The following NCOR1 variants were observed in gnomAD, a reference collection of about 807,000 sequenced individuals.
The protein encoded by NCOR1 is nuclear receptor corepressor 1.
Under a neutral mutation model 288.1 loss-of-function variants are expected in NCOR1, and 63 were observed. The ratio of observed to expected loss-of-function variants is 0.22; its 90% confidence interval spans 0.18 to 0.27. NCOR1 has a LOEUF of 0.27. NCOR1 is among the 10% of genes least tolerant of loss of function. The pLI, the probability that NCOR1 is intolerant of heterozygous loss-of-function variation, is 1.00. For missense variants in NCOR1, 2,397 were observed against 3,019.2 expected, an observed-to-expected ratio of 0.79 and a Z score of 4.83; for synonymous variants, 1,007 against 1,065.9, an observed-to-expected ratio of 0.94 and a Z score of 1.08.
At chr17:16,175,198 C>T (rs1460436160) in intron 3 of NCOR1, among the ~76,000 whole-genome samples, 1 of 152,086 alleles carries the variant, frequency 6.6e-6, no homozygotes, top group African/African-American at 2.4e-5. Context: ...GAAAGCCCGT[C>T]TCTACAAAAA....
At position 16,080,041 on chromosome 17, in the gene NCOR1, C is replaced by T; in HGVS notation, c.3424G>A (p.Gly1142Arg). ...GTTGGAGTTCCCCGAGTTATACTTC[C>T]TTCTTGTATGGCTCCTGCGGTACCT... ...VRGTAGAIQE[G>R]SITRGTPTSK... Residue 1142 changes from glycine (G) to arginine (R), a missense_variant, in exon 26 of 46, where the codon GGA (glycine) becomes AGA (arginine). Gly to Arg is a moderately radical substitution (Grantham distance 125, BLOSUM62 -2). Coordinates refer to ENST00000268712, the MANE Select transcript of NCOR1 (RefSeq NM_006311.4). 6.2e-7 allele frequency: 1 copy of T among 1,614,018 alleles called. No homozygotes were observed.
chr17:16,177,195 G>A (rs2084368701), intron 3 of NCOR1, among the ~76,000 whole-genome samples: 2 of 151,864 alleles, frequency 1.3e-5, no homozygotes, highest in South Asian at 2.1e-4. Context: ...TCAAATGTCT[G>A]AACTACATTT....
intron 19 of NCOR1, among the ~76,000 whole-genome samples, chr17:16,106,701 G>GC (rs2068704885): frequency 6.6e-6 from 1 of 151,424 alleles, no homozygotes; most frequent in Admixed American, 6.6e-5. Flanking sequence ...CACATGAGCT[G>GC]CATTTATGTT....
intron 4 of NCOR1, 118 bp downstream of exon 4, chr17:16,171,685 A>AT: frequency 1.1e-6 from 1 of 933,452 alleles, no homozygotes; most frequent in African/African-American, 1.7e-5. Context: ...TTACTTTCCC[A>AT]TACCACTAAC....
chr17:16,092,181 T>C, intron 21 of NCOR1, 123 bp from the exon 22 acceptor site: 1 of 1,196,434 alleles, frequency 8.4e-7, no homozygotes, highest in East Asian at 2.5e-5. Flanking sequence ...CATTTTTTAA[T>C]CAAAGTTATC....
intron 43 of NCOR1, 142 bp from the exon 44 acceptor site, chr17:16,039,796 CT>C (rs932257225): frequency 1.0e-3 from 694 of 681,752 alleles, no homozygotes; most frequent in Non-Finnish European, 1.2e-3. Context: ...ACACAGAGAC[CT>C]TTTTTTTTGG....
At chr17:16,130,252 G>C (rs1400664217) in intron 14 of NCOR1, among the ~76,000 whole-genome samples, 1 of 152,200 alleles carries the variant, frequency 6.6e-6, no homozygotes, top group Non-Finnish European at 1.5e-5. Context: ...ACATTCAAGA[G>C]AGTAAGGAAT....
chr17:16,031,843 G>A lies in NCOR1; in HGVS notation c.*453C>T, dbSNP rs1165376932. The A allele has an allele frequency of 4.3e-6, 1 of 232,962 alleles. No individual in the cohort carries two copies. Among genetic ancestry groups the A allele is most frequent in the Non-Finnish European group, 8.5e-6 (1 of 118,188 alleles). 14.4% of individuals were successfully genotyped at this position (232,962 alleles called of 1,614,324 possible). A position where few individuals can be genotyped will look rare whatever the true frequency, so the allele number is the denominator to read the frequency against. ...CTGTATGAGGTTGTTTAGAAGGCTAGGGTTAAAAAGATAGATAGACAAAAA... is the reference window on the plus strand; with the variant it reads ...CTGTATGAGGTTGTTTAGAAGGCTAAGGTTAAAAAGATAGATAGACAAAAA... On this transcript the variant is annotated 3_prime_UTR_variant, in exon 46 of 46. Coordinates refer to ENST00000268712, the MANE Select transcript of NCOR1 (RefSeq NM_006311.4).
chr17:16,188,115 T>G (rs997477561), intron 2 of NCOR1, among the ~76,000 whole-genome samples: 3 of 152,054 alleles, frequency 2.0e-5, no homozygotes, highest in African/African-American at 7.2e-5. Flanking sequence ...ATTATATACT[T>G]TAAAATGGTA....
chr17:16,083,318 T>C lies in NCOR1; in HGVS notation c.3178-2591A>G, dbSNP rs767446157. On this transcript the variant is annotated intron_variant, in intron 23 of 45. Coordinates refer to ENST00000268712, the MANE Select transcript of NCOR1 (RefSeq NM_006311.4). The stretch of plus-strand genomic sequence containing the variant: ...TGAGCCCAGGAGTTGGAGGCTACAG[T>C]GAGCTATGATCACACTACTGCAAAG... 2.0e-5 allele frequency among the ~76,000 whole-genome samples: 3 copies of C among 150,290 alleles called. No individual in the cohort carries two copies. In the South Asian group the frequency reaches 6.3e-4, roughly 32 times the overall value.
chr17:16,112,042 T>C (rs1486090870), intron 18 of NCOR1, among the ~76,000 whole-genome samples: 1 of 151,954 alleles, frequency 6.6e-6, no homozygotes, highest in Non-Finnish European at 1.5e-5. Flanking sequence ...GCTAATTTTT[T>C]GTACTTTTAG....
At chr17:16,181,665 T>A (rs1367907098) in intron 3 of NCOR1, among the ~76,000 whole-genome samples, 1 of 115,026 alleles carries the variant, frequency 8.7e-6, no homozygotes, top group Non-Finnish European at 2.1e-5. Context: ...ACTATGTGTA[T>A]CCCATAACAC....
chr17:16,048,748 G>C (rs2058965474), intron 41 of NCOR1, 97 bp downstream of exon 41: 2 of 1,334,402 alleles, frequency 1.5e-6, no homozygotes, highest in Admixed American at 5.3e-5. Context: ...AGACATAAAA[G>C]CCCAAAGTTC....
chr17:16,180,044 G>C (rs1024102856), intron 3 of NCOR1, among the ~76,000 whole-genome samples: 1 of 150,400 alleles, frequency 6.6e-6, no homozygotes, highest in Non-Finnish European at 1.5e-5. Flanking sequence ...CAAACCACTA[G>C]CAAGTGGGAC....
intron 14 of NCOR1, among the ~76,000 whole-genome samples, chr17:16,127,720 T>TGTGTATATATGTGTGTGTGTATAC (rs1568211284): frequency 7.2e-6 from 1 of 138,532 alleles, no homozygotes; most frequent in East Asian, 2.0e-4. Flanking sequence ...TGTGTATATA[T>TGTGTATATATGTGTGTGTGTATAC]ACATATATGT....
In NCOR1 at chr17:16,101,241, G is replaced by C. The variant is rs200358935; in HGVS notation, c.2690+9C>G. ...TAAGCACGGGGAGGACTTATGGAAC[G>C]AGCCTCACCTCTGCCTCTCTGGCTC... is the stretch of plus-strand genomic sequence containing the variant. On this transcript the variant is annotated intron_variant, in intron 20 of 45. Transcript: ENST00000268712. 3 of 1,567,212 alleles carry C rather than the reference G, an allele frequency of 1.9e-6. No homozygotes were observed. In the African/African-American group the frequency reaches 4.1e-5, roughly 21 times the overall value.
chr17:16,200,089 A>G (rs1192643433), intron 1 of NCOR1, among the ~76,000 whole-genome samples: 2 of 152,112 alleles, frequency 1.3e-5, no homozygotes, highest in East Asian at 1.9e-4. Context: ...AAAAAAAAGC[A>G]ATTTTTCCTC....
chr17:16,151,936 C>A lies in NCOR1; in HGVS notation c.842+10G>T. On this transcript the variant is annotated intron_variant, in intron 8 of 45. Coordinates refer to ENST00000268712, the MANE Select transcript of NCOR1 (RefSeq NM_006311.4). ...TTAATTGAAGAACTCCAAAGATGAT[C>A]AATACTTACGTCTTGATGTTCTCAT... The A allele has an allele frequency of 1.3e-6, 2 of 1,589,268 alleles. No individual in the cohort carries two copies. Among genetic ancestry groups the A allele is most frequent in the Non-Finnish European group, 1.7e-6 (2 of 1,165,418 alleles).
chr17:16,160,771 G>A (rs1395554619), intron 5 of NCOR1, among the ~76,000 whole-genome samples: 1 of 152,070 alleles, frequency 6.6e-6, no homozygotes, highest in Non-Finnish European at 1.5e-5. Flanking sequence ...CAGCCTGGGC[G>A]ACAGGGGGAG....
Sources: allele counts gnomAD v4.1 joint callset (sites outside exome capture counted in the v4.1 genomes callset), GRCh38; gene constraint gnomAD v4.1.1; transcripts MANE v1.5; gene names NCBI Gene and HGNC (gene_info 2026-07-23, HGNC 2026-07-21).